Variants in MYO16 observed in about 807,000 individuals in gnomAD.
MYO16 encodes the protein myosin XVI.
A neutral mutation model predicts 205.3 loss-of-function variants in MYO16; 94 were observed. That is an observed-to-expected ratio of 0.46 (90% CI 0.39 to 0.54). The LOEUF is 0.54. Ranked by LOEUF, MYO16 falls within the 20% of genes least tolerant of loss-of-function variation. The pLI is 0.00. For synonymous variants in MYO16, 988 were observed against 954.0 expected, an observed-to-expected ratio of 1.04 and a Z score of -0.66; for missense variants, 2,315 against 2,387.5, an observed-to-expected ratio of 0.97 and a Z score of 0.63.
intron 20 of MYO16, among the ~76,000 whole-genome samples, chr13:108,965,134 A>T (rs973640085): frequency 6.6e-6 from 1 of 152,192 alleles, no homozygotes; most frequent in African/African-American, 2.4e-5. Context: ...ATAATTTCCT[A>T]TGCATAGATA....
intron 2 of MYO16, among the ~76,000 whole-genome samples, chr13:108,691,926 T>A (rs1489862121): frequency 6.6e-6 from 1 of 152,160 alleles, no homozygotes; most frequent in East Asian, 1.9e-4. Flanking sequence ...ATGGGGCAAG[T>A]CCTTGGTTTA....
At chr13:108,740,721 C>T (rs1357243810) in intron 4 of MYO16, among the ~76,000 whole-genome samples, 1 of 152,180 alleles carries the variant, frequency 6.6e-6, no homozygotes, top group East Asian at 1.9e-4. Flanking sequence ...CAGCTATGTC[C>T]TGCCCCCAGA....
At chr13:108,886,245 T>G (rs1405891382) in intron 13 of MYO16, among the ~76,000 whole-genome samples, 1 of 152,050 alleles carries the variant, frequency 6.6e-6, no homozygotes, top group Admixed American at 6.5e-5. Flanking sequence ...CCACAGCCTC[T>G]CAAAGTGCTG....
At chr13:108,787,258 A>G (rs1288528075) in intron 5 of MYO16, among the ~76,000 whole-genome samples, 1 of 152,226 alleles carries the variant, frequency 6.6e-6, no homozygotes, top group Non-Finnish European at 1.5e-5. Flanking sequence ...ACTTACAAAC[A>G]TCAAGCTGTA....
At chr13:109,104,880 C>T (rs920702479) in intron 28 of MYO16, among the ~76,000 whole-genome samples, 2 of 152,182 alleles carry the variant, frequency 1.3e-5, no homozygotes, top group Admixed American at 1.3e-4. Flanking sequence ...CCTCGACCTT[C>T]GTACTGCATC....
chr13:108,721,833 ATTTCC>A (rs2139572227), intron 3 of MYO16, among the ~76,000 whole-genome samples: 1 of 152,260 alleles, frequency 6.6e-6, no homozygotes, highest in East Asian at 1.9e-4. Context: ...TTCTCTGGAC[ATTTCC>A]AGAAGTGGAA....
intron 34 of MYO16, among the ~76,000 whole-genome samples, chr13:109,188,145 A>C (rs1879763407): frequency 6.6e-6 from 1 of 152,214 alleles, no homozygotes; most frequent in South Asian, 2.1e-4. Context: ...TCTGAAATTA[A>C]TATAGCCACT....
At chr13:109,144,382 T>G (rs1005564979) in intron 32 of MYO16, among the ~76,000 whole-genome samples, 4 of 152,174 alleles carry the variant, frequency 2.6e-5, no homozygotes, top group Non-Finnish European at 4.4e-5. Flanking sequence ...CATGTTCTCA[T>G]GGATAGTTCA....
chr13:108,948,490 A>G (rs1883019865), intron 16 of MYO16, among the ~76,000 whole-genome samples: 1 of 152,230 alleles, frequency 6.6e-6, no homozygotes, highest in Admixed American at 6.5e-5. Context: ...GGATTGTTTC[A>G]TGCGCGCTGA....
the MYO16 span, among the ~76,000 whole-genome samples, chr13:108,505,879 G>A: frequency 6.6e-6 from 1 of 152,086 alleles, no homozygotes; most frequent in African/African-American, 2.4e-5. Flanking sequence ...TGTCTTGCAA[G>A]TGGATATCTA....
chr13:108,794,910 G>T (rs1404581853), intron 6 of MYO16, among the ~76,000 whole-genome samples: 1 of 152,124 alleles, frequency 6.6e-6, no homozygotes, highest in Non-Finnish European at 1.5e-5. Context: ...GATAAGGAAA[G>T]TGATTTAACT....
chr13:109,064,350 G>A (rs1431269), intron 27 of MYO16, among the ~76,000 whole-genome samples: 90,698 of 151,876 alleles, frequency 0.6, 27,110 homozygotes, highest in Admixed American at 0.63. Context: ...TCCAAACTCT[G>A]TGCAACTGAA....
chr13:109,169,941 A>G (rs547125671), intron 33 of MYO16, among the ~76,000 whole-genome samples: 1 of 152,248 alleles, frequency 6.6e-6, no homozygotes, highest in Non-Finnish European at 1.5e-5. Context: ...ATCCATGTGG[A>G]GCAAACAGTG....
rs565584779 is a variant in MYO16, at chr13:108,881,904, T to C, written c.1426-1155T>C. ...ATTATCCAGGAGAACTTCCCCAACA[T>C]AGCGAGTCAGGCCAACATTCAAATT... On this transcript the variant is annotated intron_variant, in intron 12 of 34. Coordinates refer to ENST00000457511, the MANE Select transcript of MYO16 (RefSeq NM_001198950.3). Among the ~76,000 whole-genome samples the C allele has an allele frequency of 8.5e-5, 13 of 152,186 alleles. No individual in the cohort carries two copies. In the East Asian group the frequency reaches 2.5e-3, roughly 29 times the overall value.
At chr13:108,746,092 C>G (rs1448367895) in intron 4 of MYO16, among the ~76,000 whole-genome samples, 1 of 151,970 alleles carries the variant, frequency 6.6e-6, no homozygotes, top group Non-Finnish European at 1.5e-5. Context: ...ACTCGGGAGG[C>G]TGAGGCAGGA....
At chr13:109,107,843 ATG>A (rs1555332127) in intron 28 of MYO16, among the ~76,000 whole-genome samples, 1 of 148,656 alleles carries the variant, frequency 6.7e-6, no homozygotes, top group Non-Finnish European at 1.5e-5. Flanking sequence ...ATTATATTAT[ATG>A]TGTGTGTGTC....
At chr13:108,498,009 GTA>G in the MYO16 span, among the ~76,000 whole-genome samples, 2 of 152,180 alleles carry the variant, frequency 1.3e-5, no homozygotes, top group Non-Finnish European at 2.9e-5. Flanking sequence ...AAATATATAT[GTA>G]TATGTGTGTA....
At chr13:109,049,099 T>C (rs1887152695) in intron 24 of MYO16, 1 of 102,112 alleles carries the variant, frequency 9.8e-6, no homozygotes, top group African/African-American at 3.7e-5. Flanking sequence ...TTTTTTTTTT[T>C]GCTGTGTGTC....
intron 16 of MYO16, among the ~76,000 whole-genome samples, chr13:108,931,316 A>G (rs536257976): frequency 3.3e-5 from 5 of 152,262 alleles, no homozygotes; most frequent in South Asian, 4.1e-4. Flanking sequence ...TCCAATAGCA[A>G]TGCACTCCAT....
Sources: allele counts gnomAD v4.1 joint callset (sites outside exome capture counted in the v4.1 genomes callset), GRCh38; gene constraint gnomAD v4.1.1; transcripts MANE v1.5; gene names NCBI Gene and HGNC (gene_info 2026-07-23, HGNC 2026-07-21).